The following MAGI3 variants were observed in gnomAD, a reference collection of about 807,000 sequenced individuals.
The protein encoded by MAGI3 is membrane associated guanylate kinase, WW and PDZ domain containing 3, also known as membrane-associated guanylate kinase, WW and PDZ domain-containing protein 3.
Under a neutral mutation model 121.8 loss-of-function variants are expected in MAGI3, and 43 were observed. That is an observed-to-expected ratio of 0.35 (90% CI 0.28 to 0.46). MAGI3 has a LOEUF of 0.46. Among genes scored for constraint, MAGI3 ranks in the 20% least tolerant of loss-of-function variants. MAGI3 has a pLI of 1.00. For synonymous variants in MAGI3, 553 were observed against 639.3 expected, an observed-to-expected ratio of 0.86 and a Z score of 2.04; for missense variants, 1,547 against 1,797.3, an observed-to-expected ratio of 0.86 and a Z score of 2.52.
chr1:113,392,592 A>G (rs1363642506), intron 1 of MAGI3, among the ~76,000 whole-genome samples: 2 of 152,234 alleles, frequency 1.3e-5, no homozygotes, highest in African/African-American at 2.4e-5. Context: ...GTATACACAC[A>G]GACTCACATG....
At chr1:113,641,070 AT>A (rs1434089367) in intron 9 of MAGI3, among the ~76,000 whole-genome samples, 2 of 122,028 alleles carry the variant, frequency 1.6e-5, no homozygotes, top group Admixed American at 9.8e-5. Context: ...TATGATATAT[AT>A]AATATATATG....
At chr1:113,493,818 A>AT in intron 1 of MAGI3, among the ~76,000 whole-genome samples, 1 of 152,338 alleles carries the variant, frequency 6.6e-6, no homozygotes, top group East Asian at 1.9e-4. Flanking sequence ...CCACAGTGAG[A>AT]TACTGTCCCA....
At chr1:113,574,029 TTTCCA>T (rs1274776671) in intron 2 of MAGI3, among the ~76,000 whole-genome samples, 1 of 152,154 alleles carries the variant, frequency 6.6e-6, no homozygotes, top group African/African-American at 2.4e-5. Flanking sequence ...TTTTTTTTTC[TTTCCA>T]TTTGCTTGGT....
intron 16 of MAGI3, among the ~76,000 whole-genome samples, chr1:113,667,649 T>G (rs1647248284): frequency 6.6e-6 from 1 of 152,262 alleles, no homozygotes; most frequent in Non-Finnish European, 1.5e-5. Flanking sequence ...CAAGAACTTT[T>G]CTTTTGCATT....
At chr1:113,462,747 G>A (rs1655094891) in intron 1 of MAGI3, among the ~76,000 whole-genome samples, 1 of 152,084 alleles carries the variant, frequency 6.6e-6, no homozygotes, top group South Asian at 2.1e-4. Context: ...TTTGAGTAAT[G>A]CAATAAGAAA....
At chr1:113,594,971 A>G (rs887388305) in intron 6 of MAGI3, among the ~76,000 whole-genome samples, 1 of 152,226 alleles carries the variant, frequency 6.6e-6, no homozygotes, top group African/African-American at 2.4e-5. Flanking sequence ...GCAAGTATCT[A>G]TAGCTATTCT....
chr1:113,537,618 A>G (rs759106116), intron 1 of MAGI3, among the ~76,000 whole-genome samples: 2 of 152,162 alleles, frequency 1.3e-5, no homozygotes, highest in African/African-American at 2.4e-5. Context: ...TGCTGTCCTT[A>G]TGAGCTAGAG....
chr1:113,683,891 TG>T lies in MAGI3; in HGVS notation c.4325del (p.Gly1442GlufsTer15). On this transcript the variant is annotated frameshift_variant, in exon 21 of 21. Coordinates refer to ENST00000307546, the MANE Select transcript of MAGI3 (RefSeq NM_001142782.2). LOFTEE classifies it low-confidence loss of function (END_TRUNC). ...AGGCAGCTGACAAAAACAAAGAGACTGGAAGGTTCAAACCGGAAAGCAGTTC... is the reference window on the plus strand; with the variant it reads ...AGGCAGCTGACAAAAACAAAGAGACTGAAGGTTCAAACCGGAAAGCAGTTC... ...LEAADKNKET[G>X]RFKPESSSPV... is the part of the protein sequence containing the mutation. The T allele has an allele frequency of 1.2e-6, 2 of 1,612,304 alleles. No homozygotes were observed. Among genetic ancestry groups the T allele is most frequent in the Non-Finnish European group, 1.7e-6 (2 of 1,179,256 alleles).
At chr1:113,522,619 C>A (rs1220773173) in intron 1 of MAGI3, among the ~76,000 whole-genome samples, 1 of 152,188 alleles carries the variant, frequency 6.6e-6, no homozygotes, top group African/African-American at 2.4e-5. Context: ...ATGTAAATAT[C>A]TTAGAATGAT....
intron 1 of MAGI3, among the ~76,000 whole-genome samples, chr1:113,423,740 C>A (rs1461745009): frequency 1.3e-5 from 2 of 152,204 alleles, no homozygotes; most frequent in Admixed American, 6.5e-5. Flanking sequence ...GGCCTCCAGG[C>A]TTCAGGCCTT....
At chr1:113,482,018 A>G (rs1656138124) in intron 1 of MAGI3, among the ~76,000 whole-genome samples, 1 of 151,860 alleles carries the variant, frequency 6.6e-6, no homozygotes. Flanking sequence ...TTCAGCATTC[A>G]GGAAGAAACA....
intron 1 of MAGI3, among the ~76,000 whole-genome samples, chr1:113,400,601 C>A (rs1485358255): frequency 6.6e-6 from 1 of 152,058 alleles, no homozygotes; most frequent in Non-Finnish European, 1.5e-5. Context: ...TTAGAGTTCT[C>A]CAATATTAAT....
intron 7 of MAGI3, among the ~76,000 whole-genome samples, chr1:113,615,422 G>A (rs1162939171): frequency 1.3e-5 from 2 of 152,172 alleles, no homozygotes; most frequent in Non-Finnish European, 2.9e-5. Context: ...AGTTAAACCT[G>A]CTGCCTAGGT....
intron 2 of MAGI3, among the ~76,000 whole-genome samples, chr1:113,556,926 C>T (rs1402242074): frequency 6.6e-6 from 1 of 152,106 alleles, no homozygotes; most frequent in Non-Finnish European, 1.5e-5. Context: ...ATGAAATGGA[C>T]AAATTCTTTA....
chr1:113,640,117 G>A (rs1191339611), intron 9 of MAGI3, among the ~76,000 whole-genome samples: 1 of 152,126 alleles, frequency 6.6e-6, no homozygotes, highest in Non-Finnish European at 1.5e-5. Flanking sequence ...TGGCTAACAA[G>A]CATATGAAAA....
At chr1:113,599,909 G>T (rs1232670644) in intron 6 of MAGI3, among the ~76,000 whole-genome samples, 5 of 152,018 alleles carry the variant, frequency 3.3e-5, no homozygotes, top group African/African-American at 1.2e-4. Flanking sequence ...ATGCAAGGCT[G>T]GTTCAATATA....
intron 1 of MAGI3, among the ~76,000 whole-genome samples, chr1:113,532,113 G>A (rs1345302463): frequency 1.3e-5 from 2 of 152,012 alleles, no homozygotes; most frequent in Non-Finnish European, 1.5e-5. Flanking sequence ...AGTTAAATTG[G>A]TTTCTTCACT....
chr1:113,630,298 C>G (rs1651544305), intron 9 of MAGI3, among the ~76,000 whole-genome samples: 1 of 152,104 alleles, frequency 6.6e-6, no homozygotes. Context: ...AGCACAAAGG[C>G]TCTTCAGTCA....
At chr1:113,439,516 C>T (rs1270572169) in intron 1 of MAGI3, among the ~76,000 whole-genome samples, 1 of 152,048 alleles carries the variant, frequency 6.6e-6, no homozygotes, top group African/African-American at 2.4e-5. Flanking sequence ...TTCTGTATTC[C>T]TCCTATAGCA....
Sources: gnomAD v4.1 joint callset for allele counts (sites outside exome capture counted in the v4.1 genomes callset) on GRCh38, gnomAD v4.1.1 for gene constraint, MANE v1.5 for transcripts, NCBI Gene and HGNC (gene_info 2026-07-23, HGNC 2026-07-21) for gene names.